The following RASEF variants were observed in gnomAD, a reference collection of about 807,000 sequenced individuals.
RASEF encodes the protein ras and EF-hand domain-containing protein.
Under a neutral mutation model 90.1 loss-of-function variants are expected in RASEF, and 68 were observed. The observed-to-expected ratio is 0.75, with a 90% CI of 0.62 to 0.92. The LOEUF is 0.92. RASEF is among the 40% of genes least tolerant of loss of function. The pLI, the probability that RASEF is intolerant of heterozygous loss-of-function variation, is 0.00. For missense variants in RASEF, 949 were observed against 937.2 expected, an observed-to-expected ratio of 1.01 and a Z score of -0.16; for synonymous variants, 331 against 345.2, an observed-to-expected ratio of 0.96 and a Z score of 0.46.
At chr9:83,190,195 G>A in the RASEF span, among the ~76,000 whole-genome samples, 2 of 152,170 alleles carry the variant, frequency 1.3e-5, no homozygotes, top group East Asian at 1.9e-4. Flanking sequence ...AGCCAGAAAC[G>A]CTGTATGTAC....
At chr9:83,171,437 C>A in the RASEF span, among the ~76,000 whole-genome samples, 1 of 151,828 alleles carries the variant, frequency 6.6e-6, no homozygotes, top group South Asian at 2.1e-4. Flanking sequence ...CAGAATGATG[C>A]TCACCTCACA....
chr9:83,147,036 A>ATGTG, the RASEF span, among the ~76,000 whole-genome samples: 6 of 98,556 alleles, frequency 6.1e-5, no homozygotes, highest in African/African-American at 2.1e-4. Context: ...GTGTATATAT[A>ATGTG]TATGTATATA....
chr9:83,007,327 G>T, intron 7 of RASEF, 110 bp downstream of exon 7: 1 of 843,614 alleles, frequency 1.2e-6, no homozygotes, highest in Non-Finnish European at 2.0e-6. Flanking sequence ...CCACTGACCT[G>T]CAAACCCAGT....
chr9:83,023,641 A>T (rs753636366), intron 2 of RASEF, among the ~76,000 whole-genome samples: 3 of 152,212 alleles, frequency 2.0e-5, no homozygotes, highest in Admixed American at 6.5e-5. Flanking sequence ...GTCCGAGGTT[A>T]TGTTAACCAA....
chr9:83,044,509 A>T (rs542408928), intron 1 of RASEF, among the ~76,000 whole-genome samples: 3 of 146,196 alleles, frequency 2.1e-5, no homozygotes, highest in Admixed American at 6.7e-5. Flanking sequence ...CTTGGGAAAT[A>T]AAAAAAAAAT....
chr9:83,039,833 G>T (rs938472606), intron 1 of RASEF, among the ~76,000 whole-genome samples: 2 of 152,090 alleles, frequency 1.3e-5, no homozygotes, highest in African/African-American at 4.8e-5. Flanking sequence ...TGTCTGTCTT[G>T]CTGGTATCTG....
At chr9:83,043,212 A>C (rs940007761) in intron 1 of RASEF, among the ~76,000 whole-genome samples, 41 of 152,232 alleles carry the variant, frequency 2.7e-4, no homozygotes, top group Admixed American at 2.7e-3. Context: ...AAACTGGATA[A>C]ATCAATTGCG....
chr9:83,166,575 A>T, the RASEF span, among the ~76,000 whole-genome samples: 1 of 152,190 alleles, frequency 6.6e-6, no homozygotes, highest in Non-Finnish European at 1.5e-5. Flanking sequence ...GGTGTAAAAT[A>T]ACATGTGGCG....
the RASEF span, among the ~76,000 whole-genome samples, chr9:83,080,198 A>G: frequency 6.6e-6 from 1 of 152,190 alleles, no homozygotes; most frequent in Non-Finnish European, 1.5e-5. Context: ...CTGTAGGAGG[A>G]CAGGTGAGAG....
chr9:83,180,749 C>T, the RASEF span, among the ~76,000 whole-genome samples: 1 of 151,954 alleles, frequency 6.6e-6, no homozygotes, highest in Non-Finnish European at 1.5e-5. Context: ...CATGTATCCA[C>T]CCTTGGAAAT....
At chr9:83,205,169 T>C in the RASEF span, among the ~76,000 whole-genome samples, 4 of 152,184 alleles carry the variant, frequency 2.6e-5, no homozygotes, top group African/African-American at 7.2e-5. Context: ...AATACATCTA[T>C]GGAAGATTGC....
chr9:83,013,732 T>G (rs1164685710), intron 4 of RASEF, among the ~76,000 whole-genome samples: 1 of 152,228 alleles, frequency 6.6e-6, no homozygotes, highest in African/African-American at 2.4e-5. Context: ...AACTCAGTCC[T>G]CATCTCTAAA....
At chr9:83,035,194 A>C (rs2118614699) in intron 1 of RASEF, among the ~76,000 whole-genome samples, 1 of 152,354 alleles carries the variant, frequency 6.6e-6, no homozygotes, top group Middle Eastern at 3.4e-3. Context: ...GTGAAGCACC[A>C]GGTAGAAAAT....
At chr9:83,091,685 C>T in the RASEF span, among the ~76,000 whole-genome samples, 117 of 152,328 alleles carry the variant, frequency 7.7e-4, no homozygotes, top group African/African-American at 2.7e-3. Flanking sequence ...CCTCAAGTAG[C>T]TGTGACATTA....
chr9:83,091,739 C>T, the RASEF span, among the ~76,000 whole-genome samples: 1 of 152,096 alleles, frequency 6.6e-6, no homozygotes, highest in Non-Finnish European at 1.5e-5. Flanking sequence ...TTTAGCTCTA[C>T]TCAGTTTGAG....
chr9:83,134,410 G>GA, the RASEF span, among the ~76,000 whole-genome samples: 1 of 139,046 alleles, frequency 7.2e-6, no homozygotes, highest in African/African-American at 2.9e-5. Context: ...TCACAATAGC[G>GA]CACACACACA....
At chr9:83,161,779 A>G in the RASEF span, among the ~76,000 whole-genome samples, 1 of 151,828 alleles carries the variant, frequency 6.6e-6, no homozygotes, top group Admixed American at 6.6e-5. Flanking sequence ...ATCCAGTGGG[A>G]GGTGATTGAA....
chr9:83,049,414 G>A (rs1829999180), intron 1 of RASEF: 2 of 799,156 alleles, frequency 2.5e-6, no homozygotes, highest in South Asian at 1.1e-4. Flanking sequence ...ATGATCAAAA[G>A]CCCATTCTCC....
chr9:83,210,871 A>G, the RASEF span, among the ~76,000 whole-genome samples: 1 of 152,230 alleles, frequency 6.6e-6, no homozygotes, highest in African/African-American at 2.4e-5. Flanking sequence ...AGACAAACGA[A>G]GCTGGTCAGT....
Sources: gnomAD v4.1 joint callset for allele counts (sites outside exome capture counted in the v4.1 genomes callset) on GRCh38, gnomAD v4.1.1 for gene constraint, MANE v1.5 for transcripts, NCBI Gene and HGNC (gene_info 2026-07-23, HGNC 2026-07-21) for gene names.